Variants in MTUS1 observed in about 807,000 individuals in gnomAD.
The protein encoded by MTUS1 is microtubule-associated tumor suppressor 1.
A neutral mutation model predicts 120.8 loss-of-function variants in MTUS1; 109 were observed. That is an observed-to-expected ratio of 0.90 (90% CI 0.77 to 1.06). MTUS1 has a LOEUF of 1.06. Ranked by LOEUF, MTUS1 falls within the 50% of genes least tolerant of loss-of-function variation. The pLI is 0.00. For synonymous variants in MTUS1, 737 were observed against 550.5 expected (o/e 1.34, Z -4.74); for missense variants, 2,210 against 1,486.3 (o/e 1.49, Z -8.01).
At chr8:17,653,895 A>C (rs916663557) in intron 10 of MTUS1, 7 of 161,500 alleles carry the variant, frequency 4.3e-5, no homozygotes, top group African/African-American at 1.7e-4. Flanking sequence ...CATTTCTAGC[A>C]GGAAGGAAGA....
upstream of MTUS1, chr8:17,801,299 G>A (rs1347077175): frequency 6.6e-6 from 1 of 151,904 alleles, no homozygotes; most frequent in Non-Finnish European, 1.5e-5. Context: ...GCAGGGCGGG[G>A]AGTTCGGGAA....
At chr8:17,688,504 T>A (rs1032680486) in intron 6 of MTUS1, among the ~76,000 whole-genome samples, 2 of 152,224 alleles carry the variant, frequency 1.3e-5, no homozygotes, top group Non-Finnish European at 2.9e-5. Flanking sequence ...AAACATAGGT[T>A]ATGAACTCAG....
chr8:17,645,799 G>A lies in MTUS1; in HGVS notation c.*127C>T, dbSNP rs941112880. On this transcript the variant is annotated 3_prime_UTR_variant, in exon 15 of 15. Coordinates refer to ENST00000693296, the MANE Select transcript of MTUS1 (RefSeq NM_001363059.2). ...AAGCTGCGATTCCGCCGGTGGTGAC[G>A]CTCCAGTTACCCTACGGTGATCACA... 25 of 1,250,552 alleles carry A rather than the reference G, an allele frequency of 2.0e-5. No homozygotes were observed. Among genetic ancestry groups the A allele is most frequent in the African/African-American group, 1.1e-4 (7 of 65,010 alleles). The allele number at this position is 1,250,552 out of a possible 1,614,324, so 77.5% of individuals were successfully genotyped here. A position where few individuals can be genotyped will look rare whatever the true frequency, so the allele number is the denominator to read the frequency against.
At chr8:17,719,605 A>G (rs998412370) in intron 4 of MTUS1, among the ~76,000 whole-genome samples, 2 of 152,172 alleles carry the variant, frequency 1.3e-5, no homozygotes, top group African/African-American at 4.8e-5. Flanking sequence ...CCTGTTCCTC[A>G]TCTTAGCCTC....
intron 3 of MTUS1, among the ~76,000 whole-genome samples, chr8:17,738,300 TCTCC>T (rs781476150): frequency 2.3e-4 from 35 of 152,284 alleles, no homozygotes; most frequent in South Asian, 1.2e-3. Flanking sequence ...AAACACGCAC[TCTCC>T]CTCCTCAGCT....
At position 17,723,785 on chromosome 8, in the gene MTUS1, G is replaced by C. The variant is rs75383511; in HGVS notation, c.2336C>G (p.Pro779Arg). The C allele has an allele frequency of 2.6e-5, 42 of 1,609,212 alleles. 4 individuals are homozygous for C. Among genetic ancestry groups the C allele is most frequent in the Non-Finnish European group, 3.6e-5 (42 of 1,177,138 alleles). The change falls in exon 4 of 15, where the codon CCT (proline) becomes CGT (arginine). Residue 779 changes from proline (P) to arginine (R), a missense_variant. Physicochemically the swap from Pro to Arg is moderately radical, Grantham distance 103. Coordinates refer to ENST00000693296, the MANE Select transcript of MTUS1 (RefSeq NM_001363059.2). ...TGCTTTGGATTTAGGAAGTGGTCTA[G>C]GCAAATTCACCCATGACGACTGTGC... ...KTAQSSWVNL[P>R]RPLPKSKASL...
intron 3 of MTUS1, among the ~76,000 whole-genome samples, chr8:17,734,911 CT>C (rs113060045): frequency 0.16 from 23,064 of 148,478 alleles, 1,851 homozygotes; most frequent in Middle Eastern, 0.21. Context: ...TTCACACCAA[CT>C]TTTTTTTTTT....
chr8:17,767,324 C>T (rs1367303797), intron 1 of MTUS1, among the ~76,000 whole-genome samples: 3 of 151,126 alleles, frequency 2.0e-5, no homozygotes, highest in African/African-American at 4.9e-5. Flanking sequence ...AATTTGGGGC[C>T]AATTTTGATA....
At position 17,684,074 on chromosome 8, in the gene MTUS1, A is replaced by C. The variant is rs142684711; in HGVS notation, c.2838+254T>G. Among the ~76,000 whole-genome samples, 17 of 152,292 alleles carry C rather than the reference A, an allele frequency of 1.1e-4. No homozygotes were observed. In the East Asian group the frequency reaches 3.3e-3, roughly 29 times the overall value. ...GAGGCATACACCGGCGTAAGAGGCA[A>C]TTATGTTTTTTGCTGTTGCCATTCT... On this transcript the variant is annotated intron_variant, in intron 7 of 14. Coordinates refer to ENST00000693296, the MANE Select transcript of MTUS1 (RefSeq NM_001363059.2).
intron 1 of MTUS1, among the ~76,000 whole-genome samples, chr8:17,769,547 C>G (rs1287731823): frequency 6.6e-6 from 1 of 151,342 alleles, no homozygotes; most frequent in Non-Finnish European, 1.5e-5. Context: ...CGGGATTTCA[C>G]CGCGTTAGCC....
chr8:17,786,579 T>C (rs1379725787), intron 1 of MTUS1, among the ~76,000 whole-genome samples: 2 of 152,026 alleles, frequency 1.3e-5, no homozygotes, highest in Admixed American at 1.3e-4. Flanking sequence ...TATCTTGAGG[T>C]TGCCACATTA....
At chr8:17,772,901 G>C (rs971312956) in intron 1 of MTUS1, among the ~76,000 whole-genome samples, 5 of 152,112 alleles carry the variant, frequency 3.3e-5, no homozygotes, top group African/African-American at 9.7e-5. Context: ...GAAAAGACTT[G>C]AAGATTATAT....
intron 1 of MTUS1, among the ~76,000 whole-genome samples, chr8:17,791,305 T>C (rs2051763354): frequency 6.6e-6 from 1 of 152,252 alleles, no homozygotes; most frequent in South Asian, 2.1e-4. Context: ...AGGGAATTAA[T>C]ATTTCACTAT....
At chr8:17,727,076 T>C (rs1308189949) in intron 3 of MTUS1, among the ~76,000 whole-genome samples, 3 of 152,150 alleles carry the variant, frequency 2.0e-5, no homozygotes, top group Non-Finnish European at 4.4e-5. Flanking sequence ...TGACCTCCCC[T>C]ATCTCATTGT....
At chr8:17,795,039 C>T (rs1459423071) in intron 1 of MTUS1, among the ~76,000 whole-genome samples, 1 of 152,176 alleles carries the variant, frequency 6.6e-6, no homozygotes, top group African/African-American at 2.4e-5. Flanking sequence ...CTCCTATGAA[C>T]TGCTTATCTG....
At chr8:17,686,400 T>A (rs1353500140) in intron 6 of MTUS1, among the ~76,000 whole-genome samples, 1 of 152,240 alleles carries the variant, frequency 6.6e-6, no homozygotes, top group Non-Finnish European at 1.5e-5. Flanking sequence ...AACCTACATA[T>A]AAACATCTAT....
chr8:17,728,916 G>T (rs969891641), intron 3 of MTUS1, among the ~76,000 whole-genome samples: 1 of 152,124 alleles, frequency 6.6e-6, no homozygotes, highest in Non-Finnish European at 1.5e-5. Flanking sequence ...ACCTGCCAGG[G>T]TTAGAGAAGT....
At chr8:17,762,990 A>G (rs961277019) in intron 1 of MTUS1, among the ~76,000 whole-genome samples, 1 of 97,016 alleles carries the variant, frequency 1.0e-5, no homozygotes. Flanking sequence ...TTCACATCCA[A>G]TGGTACCTTT....
chr8:17,742,652 G>C (rs1376780824), intron 3 of MTUS1, among the ~76,000 whole-genome samples: 2 of 151,994 alleles, frequency 1.3e-5, no homozygotes, highest in Non-Finnish European at 2.9e-5. Flanking sequence ...TTGACACTAG[G>C]CCTGAATCTA....
Sources: allele counts gnomAD v4.1 joint callset (sites outside exome capture counted in the v4.1 genomes callset), GRCh38; gene constraint gnomAD v4.1.1; transcripts MANE v1.5; gene names NCBI Gene and HGNC (gene_info 2026-07-23, HGNC 2026-07-21).